Variants in XKR9 observed in about 807,000 individuals in gnomAD.
XKR9 encodes the protein XK related 9.
In XKR9, 32 loss-of-function variants were observed where a neutral mutation model predicts 32.0. The observed-to-expected ratio is 1.00, with a 90% CI of 0.76 to 1.34. XKR9 has a LOEUF of 1.34. Among genes scored for constraint, XKR9 ranks in the 40% most tolerant of loss-of-function variants. The pLI, the probability that XKR9 is intolerant of heterozygous loss-of-function variation, is 0.00. For synonymous variants in XKR9, 168 were observed against 143.4 expected (o/e 1.17, Z -1.22); for missense variants, 546 against 429.7 (o/e 1.27, Z -2.39).
chr8:70,798,235 TA>T, the XKR9 span, among the ~76,000 whole-genome samples: 1 of 152,184 alleles, frequency 6.6e-6, no homozygotes, highest in Non-Finnish European at 1.5e-5. Context: ...TTTGACTTTT[TA>T]ATAATATCCA....
At chr8:70,886,089 G>T in the XKR9 span, among the ~76,000 whole-genome samples, 1 of 152,104 alleles carries the variant, frequency 6.6e-6, no homozygotes, top group African/African-American at 2.4e-5. Flanking sequence ...CCCACCTGGT[G>T]TCCATGTGTT....
At chr8:70,872,312 C>T in the XKR9 span, among the ~76,000 whole-genome samples, 2 of 152,208 alleles carry the variant, frequency 1.3e-5, no homozygotes, top group African/African-American at 4.8e-5. Context: ...AAAGCCACAA[C>T]TCTCTTCAAT....
rs1806823213 is a variant in XKR9, at chr8:70,735,146, TTGAG to T, written c.*725_*728del. 1.3e-5 allele frequency: 2 copies of T among 152,148 alleles called. No individual in the cohort carries two copies. Among genetic ancestry groups the T allele is most frequent in the South Asian group, 2.1e-4 (1 of 4,816 alleles). The allele number at this position is 152,148 out of a possible 1,614,324, so 9.4% of individuals were successfully genotyped here. ...TATAAAATTTACCATCTTAATCACT[TTGAG>T]TGTACAGTTCATCAGTGTTAACTGT... On this transcript the variant is annotated 3_prime_UTR_variant, in exon 5 of 5. Coordinates refer to ENST00000408926, the MANE Select transcript of XKR9 (RefSeq NM_001011720.2).
At chr8:70,918,312 C>T in the XKR9 span, among the ~76,000 whole-genome samples, 922 of 152,236 alleles carry the variant, frequency 6.1e-3, 13 homozygotes, top group African/African-American at 0.021. Context: ...TAGATTCTAT[C>T]GGGGAGATCT....
intron 4 of XKR9, among the ~76,000 whole-genome samples, chr8:70,732,051 C>A (rs1806685093): frequency 6.6e-6 from 1 of 152,184 alleles, no homozygotes; most frequent in Non-Finnish European, 1.5e-5. Flanking sequence ...AACCACGACT[C>A]CCAGGAGCTG....
chr8:71,063,951 T>C, the XKR9 span, among the ~76,000 whole-genome samples: 1 of 152,216 alleles, frequency 6.6e-6, no homozygotes, highest in African/African-American at 2.4e-5. Context: ...AACAGATATA[T>C]GTGTATCTTT....
chr8:71,002,437 G>C, the XKR9 span, among the ~76,000 whole-genome samples: 1 of 150,826 alleles, frequency 6.6e-6, no homozygotes, highest in African/African-American at 2.4e-5. Context: ...AGTATGTTCT[G>C]TCTCTCAATT....
the XKR9 span, among the ~76,000 whole-genome samples, chr8:70,829,511 C>T: frequency 2.0e-5 from 3 of 152,258 alleles, no homozygotes; most frequent in East Asian, 1.9e-4. Context: ...TGCAGTGGTG[C>T]GATCTTGGCT....
the XKR9 span, among the ~76,000 whole-genome samples, chr8:71,028,262 T>C: frequency 6.6e-6 from 1 of 152,256 alleles, no homozygotes; most frequent in South Asian, 2.1e-4. Flanking sequence ...TAGTTTTTAG[T>C]ATACAGGTCT....
chr8:71,025,289 AG>A, the XKR9 span, among the ~76,000 whole-genome samples: 1 of 152,188 alleles, frequency 6.6e-6, no homozygotes, highest in Non-Finnish European at 1.5e-5. Context: ...CTGACCCCCT[AG>A]TTCACTGGTG....
chr8:70,704,833 A>C (rs1212360902), intron 3 of XKR9, among the ~76,000 whole-genome samples: 3 of 152,222 alleles, frequency 2.0e-5, no homozygotes, highest in African/African-American at 7.2e-5. Context: ...AATCTTGCTT[A>C]TAAATCCTGG....
the XKR9 span, among the ~76,000 whole-genome samples, chr8:71,063,869 G>A: frequency 3.3e-5 from 5 of 152,112 alleles, no homozygotes; most frequent in African/African-American, 4.8e-5. Flanking sequence ...AGTTAGGGTT[G>A]GTTCAGATTT....
intron 2 of XKR9, among the ~76,000 whole-genome samples, chr8:70,677,448 A>G (rs1818922578): frequency 1.3e-5 from 2 of 152,158 alleles, no homozygotes; most frequent in African/African-American, 4.8e-5. Flanking sequence ...GCACCTGGCC[A>G]AGATTTTTGT....
the XKR9 span, among the ~76,000 whole-genome samples, chr8:70,895,062 T>G: frequency 6.6e-6 from 1 of 152,172 alleles, no homozygotes; most frequent in Admixed American, 6.5e-5. Context: ...GGCAGCTACC[T>G]CAGTTGGGCT....
the XKR9 span, among the ~76,000 whole-genome samples, chr8:71,057,162 T>G: frequency 6.6e-6 from 1 of 152,154 alleles, no homozygotes; most frequent in Admixed American, 6.5e-5. Flanking sequence ...GCTGGTATTG[T>G]GGGAAAACTT....
At chr8:70,689,694 A>C (rs1200244346) in intron 3 of XKR9, among the ~76,000 whole-genome samples, 1 of 152,098 alleles carries the variant, frequency 6.6e-6, no homozygotes, top group Non-Finnish European at 1.5e-5. Flanking sequence ...AACTATCATA[A>C]AGAATGATAA....
the XKR9 span, among the ~76,000 whole-genome samples, chr8:70,912,311 AT>A: frequency 6.6e-6 from 1 of 152,186 alleles, no homozygotes; most frequent in East Asian, 1.9e-4. Context: ...ATGAATACAA[AT>A]GGGGCAAGAC....
chr8:70,951,774 G>T, the XKR9 span, among the ~76,000 whole-genome samples: 1 of 151,932 alleles, frequency 6.6e-6, no homozygotes, highest in Non-Finnish European at 1.5e-5. Flanking sequence ...TGGACCTACA[G>T]TTATAAACCC....
chr8:71,057,475 T>A, the XKR9 span, among the ~76,000 whole-genome samples: 2 of 152,196 alleles, frequency 1.3e-5, 1 homozygote, highest in Non-Finnish European at 2.9e-5. Flanking sequence ...CCTGTTAAAG[T>A]CATTAGAGTA....
Sources: gnomAD v4.1 joint callset for allele counts (sites outside exome capture counted in the v4.1 genomes callset) on GRCh38, gnomAD v4.1.1 for gene constraint, MANE v1.5 for transcripts, NCBI Gene and HGNC (gene_info 2026-07-23, HGNC 2026-07-21) for gene names.